The following AKT3 variants were observed in gnomAD, a reference collection of about 807,000 sequenced individuals.
AKT3 encodes the protein AKT serine/threonine kinase 3.
AKT3 carries 15 observed loss-of-function variants against 65.3 expected under a neutral mutation model. The ratio of observed to expected loss-of-function variants is 0.23; its 90% CI spans 0.15 to 0.35. The LOEUF (loss-of-function observed/expected upper bound fraction) is 0.35. Ranked by LOEUF, AKT3 falls within the 10% of genes least tolerant of loss-of-function variation. The probability of loss-of-function intolerance (pLI) is 1.00; values close to 1 mark genes in which losing one functional copy is unlikely to be tolerated. For synonymous variants in AKT3, 206 were observed against 183.8 expected, an observed-to-expected ratio of 1.12 and a Z score of -0.98; for missense variants, 243 against 576.5, an observed-to-expected ratio of 0.42 and a Z score of 5.92.
In AKT3 at chr1:243,503,506, T is replaced by A; in HGVS notation, c.*1743A>T. The A allele has an allele frequency of 4.3e-6, 1 of 233,368 alleles. No individual in the cohort carries two copies. Among genetic ancestry groups the A allele is most frequent in the Non-Finnish European group, 8.5e-6 (1 of 117,858 alleles). The allele number at this position is 233,368 out of a possible 1,614,324, so 14.5% of individuals were successfully genotyped here. On this transcript the variant is annotated 3_prime_UTR_variant, in exon 14 of 14. Transcript: ENST00000673466. ...GATCACTCCGCGGAGTAGGATGGCC[T>A]TCTGCTTGCCGCAAGAGTGGCCCCC...
intron 2 of AKT3, among the ~76,000 whole-genome samples, chr1:243,712,046 C>T (rs1201908053): frequency 6.6e-6 from 1 of 152,084 alleles, no homozygotes; most frequent in Non-Finnish European, 1.5e-5. Context: ...CAAACCATAC[C>T]CTCTCACTTT....
chr1:243,841,436 T>A (rs974839992), intron 2 of AKT3, among the ~76,000 whole-genome samples: 1 of 151,610 alleles, frequency 6.6e-6, no homozygotes, highest in African/African-American at 2.4e-5. Flanking sequence ...GCCATCCCCC[T>A]CCAAAAAAAG....
chr1:243,589,838 T>C (rs1481139816), intron 8 of AKT3, among the ~76,000 whole-genome samples: 2 of 152,124 alleles, frequency 1.3e-5, no homozygotes, highest in South Asian at 4.1e-4. Flanking sequence ...TTCTTGGATA[T>C]GAAGAAGCAA....
chr1:243,696,827 C>T (rs1175269054), intron 2 of AKT3, among the ~76,000 whole-genome samples: 3 of 152,048 alleles, frequency 2.0e-5, no homozygotes, highest in Admixed American at 6.6e-5. Context: ...TCCCCACTTC[C>T]ATCCTAATGT....
intron 4 of AKT3, among the ~76,000 whole-genome samples, chr1:243,646,279 A>C (rs1457098420): frequency 6.6e-6 from 1 of 152,200 alleles, no homozygotes; most frequent in African/African-American, 2.4e-5. Context: ...AAAAAAGAGA[A>C]GAAAAAAATT....
chr1:243,671,284 T>C (rs936602190), intron 3 of AKT3, among the ~76,000 whole-genome samples: 36 of 152,126 alleles, frequency 2.4e-4, no homozygotes, highest in Non-Finnish European at 4.1e-4. Flanking sequence ...TTCACTGTGT[T>C]AGCCAGGATG....
intron 6 of AKT3, among the ~76,000 whole-genome samples, chr1:243,618,220 C>T (rs1036740185): frequency 6.6e-6 from 1 of 151,972 alleles, no homozygotes; most frequent in African/African-American, 2.4e-5. Context: ...CAAGTAAAGA[C>T]GTATGGAGGC....
chr1:243,721,003 G>C (rs1162859683), intron 2 of AKT3, among the ~76,000 whole-genome samples: 1 of 151,990 alleles, frequency 6.6e-6, no homozygotes, highest in East Asian at 1.9e-4. Context: ...TCAGAACCTG[G>C]ATCTCTCTCA....
chr1:243,534,948 G>C (rs1233655376), intron 12 of AKT3, among the ~76,000 whole-genome samples: 1 of 151,602 alleles, frequency 6.6e-6, no homozygotes, highest in Non-Finnish European at 1.5e-5. Context: ...TAAATCCAAA[G>C]TAAGGAGAAG....
At chr1:243,801,351 TA>T (rs1373687411) in intron 2 of AKT3, among the ~76,000 whole-genome samples, 1 of 152,220 alleles carries the variant, frequency 6.6e-6, no homozygotes, top group African/African-American at 2.4e-5. Context: ...GTTCACTACT[TA>T]AAAACCATTA....
At chr1:243,490,381 C>T (rs568919382) in intron 13 of AKT3, among the ~76,000 whole-genome samples, 102 of 152,306 alleles carry the variant, frequency 6.7e-4, no homozygotes, top group Non-Finnish European at 7.5e-4. Flanking sequence ...ATCTAGGAGG[C>T]GAGGCCTCAC....
At chr1:243,785,915 G>C (rs1691233350) in intron 2 of AKT3, among the ~76,000 whole-genome samples, 1 of 152,220 alleles carries the variant, frequency 6.6e-6, no homozygotes, top group African/African-American at 2.4e-5. Context: ...TGTGTGACAG[G>C]AAAGAAGACA....
chr1:243,754,648 A>G (rs1689011685), intron 2 of AKT3, among the ~76,000 whole-genome samples: 1 of 152,068 alleles, frequency 6.6e-6, no homozygotes, highest in Non-Finnish European at 1.5e-5. Context: ...AGGAGTGCGA[A>G]CCCTATTGTG....
chr1:243,776,577 G>T (rs2148294379), intron 2 of AKT3, among the ~76,000 whole-genome samples: 1 of 152,280 alleles, frequency 6.6e-6, no homozygotes, highest in Non-Finnish European at 1.5e-5. Context: ...CCAGCCTCCA[G>T]AACTGTGAGA....
At chr1:243,640,076 G>T (rs1435837687) in intron 5 of AKT3, among the ~76,000 whole-genome samples, 1 of 152,044 alleles carries the variant, frequency 6.6e-6, no homozygotes, top group Non-Finnish European at 1.5e-5. Flanking sequence ...TTCCCCAAAT[G>T]TCAAATTAAA....
intron 2 of AKT3, among the ~76,000 whole-genome samples, chr1:243,723,062 T>G (rs1049798367): frequency 1.3e-5 from 2 of 152,304 alleles, no homozygotes; most frequent in Admixed American, 1.3e-4. Flanking sequence ...AAATAAATCA[T>G]AAACATTTTT....
chr1:243,691,314 GAA>G (rs1177228211), intron 3 of AKT3, among the ~76,000 whole-genome samples: 4 of 152,306 alleles, frequency 2.6e-5, no homozygotes, highest in African/African-American at 9.6e-5. Context: ...AGGCCAGATT[GAA>G]GAGATCTATG....
intron 3 of AKT3, among the ~76,000 whole-genome samples, chr1:243,670,144 T>C (rs1288259418): frequency 6.6e-6 from 1 of 152,200 alleles, no homozygotes; most frequent in Non-Finnish European, 1.5e-5. Flanking sequence ...AAAAATAATG[T>C]TACGTGTAAT....
At chr1:243,642,781 T>C (rs1167530778) in intron 5 of AKT3, among the ~76,000 whole-genome samples, 5 of 152,196 alleles carry the variant, frequency 3.3e-5, no homozygotes, top group Non-Finnish European at 5.9e-5. Flanking sequence ...ATATAACAAA[T>C]GCTTAATAAA....
Sources: gnomAD v4.1 joint callset for allele counts (sites outside exome capture counted in the v4.1 genomes callset) on GRCh38, gnomAD v4.1.1 for gene constraint, MANE v1.5 for transcripts, NCBI Gene and HGNC (gene_info 2026-07-23, HGNC 2026-07-21) for gene names.